KCNIP1: variants seen among roughly 807,000 people sequenced by gnomAD.
KCNIP1 encodes A-type potassium channel modulatory protein KCNIP1.
Under a neutral mutation model 33.0 loss-of-function variants are expected in KCNIP1, and 18 were observed. That is an observed-to-expected ratio of 0.55 (90% CI 0.38 to 0.81). The LOEUF is 0.81. Ranked by LOEUF, KCNIP1 falls within the 30% of genes least tolerant of loss-of-function variation. The pLI is 0.00. For missense variants in KCNIP1, 238 were observed against 271.6 expected, an observed-to-expected ratio of 0.88 and a Z score of 0.87; for synonymous variants, 93 against 98.3, an observed-to-expected ratio of 0.95 and a Z score of 0.32.
At chr5:170,711,686 G>A (rs1477993362) in intron 1 of KCNIP1, among the ~76,000 whole-genome samples, 1 of 152,124 alleles carries the variant, frequency 6.6e-6, no homozygotes, top group African/African-American at 2.4e-5. Context: ...TATTTTCTGT[G>A]CAATTTTTCT....
At chr5:170,432,521 G>A (rs1206030633) in intron 1 of KCNIP1, among the ~76,000 whole-genome samples, 1 of 152,180 alleles carries the variant, frequency 6.6e-6, no homozygotes, top group African/African-American at 2.4e-5. Flanking sequence ...CTTGGAGGTG[G>A]GGGCTATGAT....
chr5:170,616,396 C>T (rs940640623), intron 1 of KCNIP1, among the ~76,000 whole-genome samples: 1 of 152,182 alleles, frequency 6.6e-6, no homozygotes, highest in African/African-American at 2.4e-5. Context: ...TTCACATCAT[C>T]GTAGTTAAGG....
At chr5:170,661,375 G>GAGGGCT (rs1210584378) in intron 1 of KCNIP1, among the ~76,000 whole-genome samples, 2 of 152,222 alleles carry the variant, frequency 1.3e-5, no homozygotes, top group African/African-American at 4.8e-5. Flanking sequence ...GACCTTGGCT[G>GAGGGCT]AGGTATGTCT....
chr5:170,506,720 C>T (rs573981605), intron 1 of KCNIP1, among the ~76,000 whole-genome samples: 6 of 152,290 alleles, frequency 3.9e-5, no homozygotes, highest in Non-Finnish European at 5.9e-5. Context: ...CAACAATGTT[C>T]GTTTGAGGCT....
At chr5:170,497,911 G>A (rs1757340915) in intron 1 of KCNIP1, among the ~76,000 whole-genome samples, 1 of 152,234 alleles carries the variant, frequency 6.6e-6, no homozygotes. Flanking sequence ...GAAGCGTGCA[G>A]GGGGAATCCT....
chr5:170,725,579 T>G (rs1311637486), intron 5 of KCNIP1, among the ~76,000 whole-genome samples: 1 of 152,120 alleles, frequency 6.6e-6, no homozygotes, highest in Non-Finnish European at 1.5e-5. Flanking sequence ...AAAAATAGAA[T>G]GAATGAATAA....
At chr5:170,578,466 C>T (rs1456208069) in intron 1 of KCNIP1, among the ~76,000 whole-genome samples, 1 of 151,306 alleles carries the variant, frequency 6.6e-6, no homozygotes, top group Non-Finnish European at 1.5e-5. Context: ...GCCTATGGCC[C>T]TTGTGTTTCT....
chr5:170,555,848 A>C (rs923417263), intron 1 of KCNIP1, among the ~76,000 whole-genome samples: 1 of 152,188 alleles, frequency 6.6e-6, no homozygotes, highest in Non-Finnish European at 1.5e-5. Flanking sequence ...CTGTCTTATA[A>C]TTTGGGGCGT....
intron 1 of KCNIP1, among the ~76,000 whole-genome samples, chr5:170,648,353 T>C (rs1302084446): frequency 6.6e-6 from 1 of 152,230 alleles, no homozygotes; most frequent in African/African-American, 2.4e-5. Context: ...GCTTTATTCA[T>C]AATTGACAAA....
intron 1 of KCNIP1, among the ~76,000 whole-genome samples, chr5:170,614,136 G>A (rs1005606172): frequency 6.6e-6 from 1 of 152,208 alleles, no homozygotes; most frequent in Non-Finnish European, 1.5e-5. Context: ...GGCGAGGAAG[G>A]ACTGCCTGTC....
At chr5:170,702,273 G>A (rs1763124301) in intron 1 of KCNIP1, among the ~76,000 whole-genome samples, 2 of 152,148 alleles carry the variant, frequency 1.3e-5, no homozygotes, top group Admixed American at 1.3e-4. Context: ...TTAGATTACT[G>A]GAAGGATTCA....
intron 1 of KCNIP1, among the ~76,000 whole-genome samples, chr5:170,641,662 G>A (rs1760564952): frequency 1.3e-5 from 2 of 152,214 alleles, no homozygotes; most frequent in South Asian, 4.1e-4. Flanking sequence ...GGAGGCAAAG[G>A]GGTGGCGGCT....
chr5:170,485,076 G>A (rs754003150), intron 1 of KCNIP1, among the ~76,000 whole-genome samples: 11 of 151,764 alleles, frequency 7.2e-5, no homozygotes, highest in Non-Finnish European at 1.0e-4. Flanking sequence ...GAGTAGCTGC[G>A]ATTACAGTCA....
chr5:170,384,208 G>A (rs1764374024), intron 1 of KCNIP1, among the ~76,000 whole-genome samples: 1 of 152,194 alleles, frequency 6.6e-6, no homozygotes, highest in African/African-American at 2.4e-5. Context: ...TTTTTTCAAA[G>A]CTCCCTGATG....
chr5:170,674,053 T>C (rs1762024449), intron 1 of KCNIP1, among the ~76,000 whole-genome samples: 1 of 151,622 alleles, frequency 6.6e-6, no homozygotes, highest in South Asian at 2.1e-4. Context: ...GATATTTCAT[T>C]GTGATGGGGG....
At chr5:170,451,217 C>CA (rs1756241744) in intron 1 of KCNIP1, among the ~76,000 whole-genome samples, 1 of 152,168 alleles carries the variant, frequency 6.6e-6, no homozygotes, top group Non-Finnish European at 1.5e-5. Flanking sequence ...GTCTAAACCA[C>CA]AAAAATGACC....
chr5:170,670,427 G>A (rs1394401360), intron 1 of KCNIP1, among the ~76,000 whole-genome samples: 1 of 152,160 alleles, frequency 6.6e-6, no homozygotes, highest in Admixed American at 6.5e-5. Context: ...TACAGGGAAG[G>A]GTTCAGTTCT....
At chr5:170,560,241 G>C (rs1475094772) in intron 1 of KCNIP1, among the ~76,000 whole-genome samples, 1 of 152,074 alleles carries the variant, frequency 6.6e-6, no homozygotes, top group African/African-American at 2.4e-5. Context: ...GCACACGAGA[G>C]CATTCTTGTT....
chr5:170,710,012 C>T (rs11739471), intron 1 of KCNIP1, among the ~76,000 whole-genome samples: 16 of 152,106 alleles, frequency 1.1e-4, no homozygotes, highest in Non-Finnish European at 1.8e-4. Context: ...GGACTACAGG[C>T]GCGCACCACC....
Sources: gnomAD v4.1 joint callset for allele counts (sites outside exome capture counted in the v4.1 genomes callset) on GRCh38, gnomAD v4.1.1 for gene constraint, MANE v1.5 for transcripts, NCBI Gene and HGNC (gene_info 2026-07-23, HGNC 2026-07-21) for gene names.